Variants in MPC1 observed in about 807,000 individuals in gnomAD.
MPC1 encodes the protein mitochondrial pyruvate carrier 1, also known as HSPC040 protein.
A neutral mutation model predicts 13.9 loss-of-function variants in MPC1; 6 were observed. The observed-to-expected ratio is 0.43, with a 90% confidence interval of 0.24 to 0.85. MPC1 has a LOEUF of 0.85. Among genes scored for constraint, MPC1 ranks in the 40% least tolerant of loss-of-function variants. MPC1 has a pLI of 0.24. For missense variants in MPC1, 115 were observed against 143.3 expected, an observed-to-expected ratio of 0.80 and a Z score of 1.01; for synonymous variants, 47 against 50.5, an observed-to-expected ratio of 0.93 and a Z score of 0.29.
chr6:166,378,633 A>T (rs148186383), intron 1 of MPC1, among the ~76,000 whole-genome samples: 4 of 152,354 alleles, frequency 2.6e-5, no homozygotes, highest in African/African-American at 9.6e-5. Flanking sequence ...AAAGCAAAGA[A>T]GAGCTCTCTT....
chr6:166,382,702 C>A, intron 1 of MPC1, 104 bp downstream of exon 1: 1 of 1,240,990 alleles, frequency 8.1e-7, no homozygotes, highest in Non-Finnish European at 1.1e-6. Flanking sequence ...ACCCGCTGCC[C>A]GGGGCCACCG....
intron 1 of MPC1, among the ~76,000 whole-genome samples, chr6:166,380,959 A>G (rs113984332): frequency 0.055 from 8,119 of 147,842 alleles, 747 homozygotes; most frequent in African/African-American, 0.2. Flanking sequence ...AAAAAAAAAA[A>G]AAAAAGAAAA....
intron 1 of MPC1, among the ~76,000 whole-genome samples, chr6:166,373,190 C>G (rs1010491637): frequency 1.3e-5 from 2 of 152,142 alleles, no homozygotes; most frequent in African/African-American, 4.8e-5. Context: ...TTAAGGTTCC[C>G]TGTTAGTGCT....
intron 1 of MPC1, among the ~76,000 whole-genome samples, chr6:166,377,717 T>C (rs1779620986): frequency 6.6e-6 from 1 of 152,194 alleles, no homozygotes; most frequent in Admixed American, 6.5e-5. Context: ...GTTTTGACAA[T>C]TAGAATTTGT....
intron 3 of MPC1, 82 bp downstream of exon 3, chr6:166,366,713 A>C: frequency 7.5e-7 from 1 of 1,327,780 alleles, no homozygotes. Flanking sequence ...TGACTGTAAC[A>C]TCTAGTGCTA....
rs75304616 is a variant in MPC1 at position 166,365,546 on chromosome 6, T to A, written c.306-93A>T. The A allele has an allele frequency of 5.3e-3, 5,291 of 991,780 alleles. 183 individuals carry two copies. The African/African-American group carries it at 0.073, about 14-fold the overall frequency. 61.4% of individuals were successfully genotyped at this position (991,780 alleles called of 1,614,324 possible). ...ATGGCTTTTAAAAGACACCTTTACATAACATTTATTTCAACTTACAACTTA... is the reference window on the plus strand; with the variant it reads ...ATGGCTTTTAAAAGACACCTTTACAAAACATTTATTTCAACTTACAACTTA... On this transcript the variant is annotated intron_variant, in intron 4 of 4. Transcript: ENST00000360961. The surrounding 1 kb of genome is among the most constrained non-coding windows in gnomAD (Gnocchi z 4.2).
chr6:166,367,859 G>A (rs1779220011), intron 2 of MPC1, among the ~76,000 whole-genome samples: 1 of 152,110 alleles, frequency 6.6e-6, no homozygotes, highest in South Asian at 2.1e-4. Flanking sequence ...TTCTACTATT[G>A]ACGAGGGGTT....
intron 3 of MPC1, 122 bp downstream of exon 3, chr6:166,366,673 C>A: frequency 1.1e-6 from 1 of 870,706 alleles, no homozygotes; most frequent in Non-Finnish European, 1.8e-6. Context: ...TCTTCCATGC[C>A]ATCACATTCT....
chr6:166,378,249 A>G (rs1389560234), intron 1 of MPC1, among the ~76,000 whole-genome samples: 1 of 152,194 alleles, frequency 6.6e-6, no homozygotes, highest in African/African-American at 2.4e-5. Context: ...TTTCCTGGAG[A>G]CTCAGAAGTT....
At chr6:166,381,719 CTT>C in intron 1 of MPC1, 1 of 737,530 alleles carries the variant, frequency 1.4e-6, no homozygotes, top group Non-Finnish European at 1.7e-6. Flanking sequence ...CGCGAATGCT[CTT>C]TGTTTCTAAC....
At chr6:166,375,891 C>T (rs960738634) in intron 1 of MPC1, among the ~76,000 whole-genome samples, 1 of 152,188 alleles carries the variant, frequency 6.6e-6, no homozygotes, top group Admixed American at 6.5e-5. Context: ...TGATGTTCAT[C>T]ATATCCAGTT....
At chr6:166,367,282 A>C (rs1769029191) in intron 2 of MPC1, 5 of 746,804 alleles carry the variant, frequency 6.7e-6, no homozygotes, top group Non-Finnish European at 8.4e-6. Flanking sequence ...CCATATTTTT[A>C]TGTTTAAATC....
rs1188208785 is a variant in MPC1 at position 166,365,350 on chromosome 6, G to C, written c.*79C>G. 2 of 1,229,852 alleles carry C rather than the reference G, an allele frequency of 1.6e-6. No individual in the cohort carries two copies. Among genetic ancestry groups the C allele is most frequent in the Non-Finnish European group, 1.1e-6 (1 of 915,784 alleles). 76.2% of individuals were successfully genotyped at this position (1,229,852 alleles called of 1,614,324 possible). ...CATTCAGTGTATTTTCCTTAGGGAG[G>C]CTATTTATAATGAAATCTGTGACTC... On this transcript the variant is annotated 3_prime_UTR_variant, in exon 5 of 5. Transcript: ENST00000360961. The surrounding 1 kb of genome is among the most constrained non-coding windows in gnomAD (Gnocchi z 4.2).
chr6:166,366,612 G>A (rs1022189007), intron 3 of MPC1, among the ~76,000 whole-genome samples, 183 bp downstream of exon 3: 3 of 152,180 alleles, frequency 2.0e-5, no homozygotes, highest in African/African-American at 7.2e-5. Context: ...CTACTTCCTA[G>A]ATAAATATTT....
At chr6:166,367,103 G>T in intron 2 of MPC1, 2 of 1,396,244 alleles carry the variant, frequency 1.4e-6, no homozygotes, top group Non-Finnish European at 1.9e-6. Context: ...TCTTACAGCT[G>T]AGCCCAGAGC....
intron 1 of MPC1, among the ~76,000 whole-genome samples, chr6:166,381,653 C>T (rs1371711901): frequency 1.3e-5 from 2 of 152,156 alleles, no homozygotes; most frequent in African/African-American, 2.4e-5. Context: ...AAAGCAAGCG[C>T]CCCAAGATGA....
rs767531439 is a variant in MPC1 at position 166,382,898 on chromosome 6, C to T, written c.-22G>A. Reference sequence around the variant, plus strand: ...CCATGGCTGTGCCGACACCAGACCCCGAGTGGTCCCTGCCTCTGCTGCCGC... The same window carrying T: ...CCATGGCTGTGCCGACACCAGACCCTGAGTGGTCCCTGCCTCTGCTGCCGC... On this transcript the variant is annotated 5_prime_UTR_variant, in exon 1 of 5. Coordinates refer to ENST00000360961, the MANE Select transcript of MPC1 (RefSeq NM_016098.4). 20 of 1,587,416 alleles carry T rather than the reference C, an allele frequency of 1.3e-5. No individual in the cohort carries two copies. In the Admixed American group the frequency reaches 2.9e-4, roughly 23 times the overall value.
At chr6:166,373,350 C>G (rs1383155271) in intron 1 of MPC1, among the ~76,000 whole-genome samples, 2 of 152,210 alleles carry the variant, frequency 1.3e-5, no homozygotes, top group Non-Finnish European at 2.9e-5. Context: ...TTTGCCTTTT[C>G]CAGAACGTTG....
chr6:166,370,263 T>A, intron 1 of MPC1, 42 bp from the exon 2 acceptor site: 1 of 725,764 alleles, frequency 1.4e-6, no homozygotes, highest in Non-Finnish European at 2.5e-6. Flanking sequence ...AGGACAGACA[T>A]GGAAAAAAAA....
Sources: allele counts gnomAD v4.1 joint callset (sites outside exome capture counted in the v4.1 genomes callset), GRCh38; gene constraint gnomAD v4.1.1; non-coding constraint Gnocchi (gnomAD v3.1); transcripts MANE v1.5; gene names NCBI Gene and HGNC (gene_info 2026-07-23, HGNC 2026-07-21).